Variants in CCDC9 observed in about 807,000 individuals in gnomAD.
CCDC9 encodes the protein coiled-coil domain containing 9.
A neutral mutation model predicts 65.6 loss-of-function variants in CCDC9; 52 were observed. That is an observed-to-expected ratio of 0.79 (90% CI 0.63 to 1.00). The LOEUF (loss-of-function observed/expected upper bound fraction) is 1.00, where lower values mean the gene tolerates loss of function less well. Ranked by LOEUF, CCDC9 falls within the 50% of genes least tolerant of loss-of-function variation. The pLI is 0.00. For synonymous variants in CCDC9, 332 were observed against 280.3 expected (o/e 1.18, Z -1.84); for missense variants, 834 against 757.2 (o/e 1.10, Z -1.19).
downstream of CCDC9, chr19:47,275,428 G>C: frequency 6.9e-7 from 1 of 1,457,058 alleles, no homozygotes; most frequent in Non-Finnish European, 9.1e-7. Flanking sequence ...TCTCTGGATT[G>C]GTCCGGCCTT....
intron 7 of CCDC9, among the ~76,000 whole-genome samples, chr19:47,265,600 GTA>G (rs1366615486): frequency 6.6e-6 from 1 of 152,034 alleles, no homozygotes; most frequent in East Asian, 1.9e-4. Context: ...CAGCTTTGTG[GTA>G]TGTTTGAGGG....
At chr19:47,267,473 G>A (rs1179459094) in intron 8 of CCDC9, among the ~76,000 whole-genome samples, 4 of 152,130 alleles carry the variant, frequency 2.6e-5, no homozygotes, top group South Asian at 4.1e-4. Flanking sequence ...CAGGCTGGAC[G>A]CTAAGCTGTG....
In CCDC9 at chr19:47,270,413, G is replaced by A. The variant is rs147977663; in HGVS notation, c.909G>A (p.Lys303=). 2.1e-4 allele frequency: 335 copies of A among 1,614,088 alleles called. 1 individual carries two copies. In the African/African-American group the frequency reaches 4.0e-3, roughly 19 times the overall value. The change falls in exon 9 of 12, where the codon AAG becomes AAA. Residue 303 remains lysine, a synonymous_variant. Transcript: ENST00000221922. ...WDAEKTDGMF[K]DGPVPAHEPS... ...CCCGTTATCTTTCCCCCAGGTTCAAGGATGGCCCAGTCCCTGCCCATGAAC... is the reference window on the plus strand; with the variant it reads ...CCCGTTATCTTTCCCCCAGGTTCAAAGATGGCCCAGTCCCTGCCCATGAAC...
chr19:47,270,370 C>T (rs1160874060), intron 8 of CCDC9, 37 bp from the exon 9 acceptor site: 9 of 1,607,298 alleles, frequency 5.6e-6, no homozygotes, highest in Middle Eastern at 1.6e-4. Context: ...TTACCCTGTT[C>T]CCCCAGCTGC....
downstream of CCDC9, chr19:47,273,703 G>A (rs1417649363): frequency 2.9e-5 from 11 of 376,440 alleles, no homozygotes; most frequent in Non-Finnish European, 4.2e-5. Context: ...GCCCTGGGCG[G>A]CTCGAGCCAG....
Position 47,264,921 on chromosome 19 carries a change from G to C in CCDC9, c.695G>C (p.Arg232Pro). The C allele has an allele frequency of 6.9e-7, 1 of 1,458,160 alleles. No individual in the cohort carries two copies. The highest frequency in any genetic ancestry group is 9.0e-7 in the Non-Finnish European group (1 of 1,108,860). The allele number at this position is 1,458,160 out of a possible 1,614,324, so 90.3% of individuals were successfully genotyped here. Residue 232 changes from arginine (R) to proline (P), a missense_variant, in exon 7 of 12, where the codon CGC becomes CCC. Physicochemically the swap from Arg to Pro is moderately radical, Grantham distance 103. Transcript: ENST00000221922. ...GGGGGCCCCGACTTCGAGCGGGTGC[G>C]CTGTGGCCTTGAGCACGAGCGGCAG... ...NWGGPDFERV[R>P]CGLEHERQGR...
At chr19:47,273,641 A>G, downstream of CCDC9, 1 of 392,724 alleles carries the variant, frequency 2.5e-6, no homozygotes, top group Non-Finnish European at 4.5e-6. Flanking sequence ...CCAACGGGGG[A>G]CGTCACGGCA....
At position 47,271,730 on chromosome 19, in the gene CCDC9, TGTGCGCGCGCGCGCGCGCGCGC is replaced by T. The variant is rs1209618006; in HGVS notation, c.*54_*75del. The T allele has an allele frequency of 1.4e-4, 92 of 672,236 alleles. No homozygotes were observed. Among genetic ancestry groups the T allele is most frequent in the Admixed American group, 5.3e-4 (6 of 11,386 alleles). The allele number at this position is 672,236 out of a possible 1,614,324, so 41.6% of individuals were successfully genotyped here. ...GTGTGTGTGTGTGTGTGTGTGTGTGTGTGCGCGCGCGCGCGCGCGCGCGCGCGCGCTAGAGGGGTGTGGCTGG... is the reference window on the plus strand; with the variant it reads ...GTGTGTGTGTGTGTGTGTGTGTGTGTGCGCGCGCTAGAGGGGTGTGGCTGG... On this transcript the variant is annotated 3_prime_UTR_variant, in exon 12 of 12. Coordinates refer to ENST00000221922, the MANE Select transcript of CCDC9 (RefSeq NM_015603.3).
downstream of CCDC9, chr19:47,274,971 G>A: frequency 6.9e-7 from 1 of 1,452,816 alleles, no homozygotes; most frequent in South Asian, 1.3e-5. Flanking sequence ...CGGAGGCGCG[G>A]GGCTGAGCGA....
chr19:47,266,520 G>C (rs1203369321), intron 7 of CCDC9, 91 bp from the exon 8 acceptor site: 1 of 1,438,144 alleles, frequency 7.0e-7, no homozygotes, highest in African/African-American at 1.4e-5. Flanking sequence ...TCGCTTCCCT[G>C]TGTGATCCTG....
intron 3 of CCDC9, 62 bp downstream of exon 3, chr19:47,258,725 C>T (rs1471303217): frequency 4.9e-5 from 61 of 1,238,292 alleles, no homozygotes; most frequent in East Asian, 3.2e-4. Context: ...GTTTTTCTCA[C>T]CTCTCCCTTC....
chr19:47,260,072 G>A (rs1038223822), intron 3 of CCDC9, among the ~76,000 whole-genome samples: 3 of 152,180 alleles, frequency 2.0e-5, no homozygotes, highest in Admixed American at 2.0e-4. Flanking sequence ...TGAGGTCGGG[G>A]AGGTACCAAG....
Position 47,264,951 on chromosome 19 carries a change from G to T in CCDC9, c.720+5G>T. 1 of 1,440,448 alleles carries T rather than the reference G, an allele frequency of 6.9e-7. No homozygotes were observed. Among genetic ancestry groups the T allele is most frequent in the Non-Finnish European group, 9.1e-7 (1 of 1,100,582 alleles). 89.2% of individuals were successfully genotyped at this position (1,440,448 alleles called of 1,614,324 possible). A position where few individuals can be genotyped will look rare whatever the true frequency, so the allele number is the denominator to read the frequency against. ...GGCCTTGAGCACGAGCGGCAGGTGG[G>T]TGTTGGCAGTGAGGACACCTCGGGG... On this transcript the variant is annotated splice_donor_5th_base_variant and intron_variant, in intron 7 of 11. Transcript: ENST00000221922.
chr19:47,260,157 G>T (rs999942258), intron 3 of CCDC9, among the ~76,000 whole-genome samples, 164 bp from the exon 4 acceptor site: 3 of 152,112 alleles, frequency 2.0e-5, no homozygotes, highest in African/African-American at 7.2e-5. Context: ...GTTCTGAGTG[G>T]GGCTGCAACG....
chr19:47,266,884 T>C lies in CCDC9; in HGVS notation c.902+92T>C, dbSNP rs556966941. ...TGCCTCTCTCTGGTTTTTCCTGCTG[T>C]GTATGAGTGAGTGACTGCCAAGTAT... On this transcript the variant is annotated intron_variant, in intron 8 of 11. Transcript: ENST00000221922. The C allele has an allele frequency of 1.3e-4, 182 of 1,434,624 alleles. No individual in the cohort carries two copies. In the East Asian group the frequency reaches 4.5e-3, roughly 36 times the overall value. 88.9% of individuals were successfully genotyped at this position (1,434,624 alleles called of 1,614,324 possible).
intron 7 of CCDC9, chr19:47,266,158 G>T (rs1247752828): frequency 6.5e-6 from 1 of 153,216 alleles, no homozygotes; most frequent in Non-Finnish European, 1.4e-5. Context: ...ACCACGCCCA[G>T]CTAATTTTTT....
Position 47,264,950 on chromosome 19 carries a change from G to C in CCDC9, c.720+4G>C. The C allele has an allele frequency of 6.9e-7, 1 of 1,440,924 alleles. No homozygotes were observed. The highest frequency in any genetic ancestry group is 9.1e-7 in the Non-Finnish European group (1 of 1,100,754). The allele number at this position is 1,440,924 out of a possible 1,614,324, so 89.3% of individuals were successfully genotyped here. A position where few individuals can be genotyped will look rare whatever the true frequency, so the allele number is the denominator to read the frequency against. Reference sequence around the variant, plus strand: ...TGGCCTTGAGCACGAGCGGCAGGTGGGTGTTGGCAGTGAGGACACCTCGGG... The same window carrying C: ...TGGCCTTGAGCACGAGCGGCAGGTGCGTGTTGGCAGTGAGGACACCTCGGG... On this transcript the variant is annotated splice_donor_region_variant and intron_variant, in intron 7 of 11. Transcript: ENST00000221922.
At chr19:47,260,244 G>A in intron 3 of CCDC9, 77 bp from the exon 4 acceptor site, 2 of 1,038,958 alleles carry the variant, frequency 1.9e-6, no homozygotes, top group East Asian at 2.6e-5. Context: ...CCAGACTTAG[G>A]AGGAGTTCAG....
downstream of CCDC9, chr19:47,275,391 T>C: frequency 1.3e-6 from 2 of 1,521,292 alleles, no homozygotes; most frequent in South Asian, 1.2e-5. Context: ...CCTCGAGAGC[T>C]CTGTGCTCCA....
Sources: gnomAD v4.1 joint callset for allele counts (sites outside exome capture counted in the v4.1 genomes callset) on GRCh38, gnomAD v4.1.1 for gene constraint, MANE v1.5 for transcripts, NCBI Gene and HGNC (gene_info 2026-07-23, HGNC 2026-07-21) for gene names.